Variants in LPP observed in about 807,000 individuals in gnomAD.
LPP encodes the protein LIM domain containing preferred translocation partner in lipoma.
LPP carries 38 observed loss-of-function variants against 60.4 expected under a neutral mutation model. The observed-to-expected ratio is 0.63, with a 90% CI of 0.49 to 0.83. The LOEUF is 0.83. Ranked by LOEUF, LPP falls within the 40% of genes least tolerant of loss-of-function variation. The pLI, the probability that LPP is intolerant of heterozygous loss-of-function variation, is 0.00. For synonymous variants in LPP, 328 were observed against 290.8 expected (o/e 1.13, Z -1.30); for missense variants, 902 against 783.6 (o/e 1.15, Z -1.80).
intron 9 of LPP, among the ~76,000 whole-genome samples, chr3:188,760,925 A>G (rs568676844): frequency 6.6e-6 from 1 of 152,318 alleles, no homozygotes; most frequent in Non-Finnish European, 1.5e-5. Flanking sequence ...TTAATAATAT[A>G]CCTGGGTAAC....
chr3:188,217,754 A>G lies in LPP; in HGVS notation c.-189-7651A>G, dbSNP rs776344805. ...GGTGCCCTAGGGGGTTGCCCAGATA[A>G]GCAGCTGGCGTTCCAAGACCAAAGA... On this transcript the variant is annotated intron_variant, in intron 1 of 11. Transcript: ENST00000617246. This position sits in a 1 kb window ranked among gnomAD's most constrained non-coding sequence, Gnocchi z 4.0. Among the ~76,000 whole-genome samples the G allele has an allele frequency of 2.6e-5, 4 of 152,166 alleles. No homozygotes were observed. The highest frequency in any genetic ancestry group is 5.9e-5 in the Non-Finnish European group (4 of 68,034).
chr3:188,253,104 G>T (rs1730487499), intron 2 of LPP, among the ~76,000 whole-genome samples: 2 of 148,132 alleles, frequency 1.4e-5, no homozygotes, highest in Admixed American at 6.7e-5. Flanking sequence ...TTGGGTTTTT[G>T]GTCTTTTTTT....
chr3:188,272,372 CAG>C (rs1738065020), intron 2 of LPP, among the ~76,000 whole-genome samples: 2 of 152,188 alleles, frequency 1.3e-5, no homozygotes, highest in African/African-American at 4.8e-5. Flanking sequence ...TAACGGCAAA[CAG>C]AACAAAAACA....
intron 5 of LPP, among the ~76,000 whole-genome samples, chr3:188,515,422 CATG>C (rs1817076761): frequency 6.6e-6 from 1 of 152,188 alleles, no homozygotes; most frequent in African/African-American, 2.4e-5. Flanking sequence ...CCTGCATAGT[CATG>C]AGCCAATTTA....
At position 188,375,132 on chromosome 3, in the gene LPP, C is replaced by T. The variant is rs543900818; in HGVS notation, c.-9-30980C>T. 2.0e-5 allele frequency among the ~76,000 whole-genome samples: 3 copies of T among 152,240 alleles called. No homozygotes were observed. In the South Asian group the frequency reaches 6.2e-4, roughly 32 times the overall value. ...GCCAGTATTTTATTGAGGATTTTTG[C>T]ATCAATGTTCATCAAGGATATTGGT... On this transcript the variant is annotated intron_variant, in intron 3 of 11. Transcript: ENST00000617246.
chr3:188,609,883 T>C lies in LPP; in HGVS notation c.1113+39T>C, dbSNP rs1296444171. ...TAACATAAGGAGGAGAATACAGGGGTGCCTATCTTAGTCTGCCTTCCCCAG... is the reference window on the plus strand; with the variant it reads ...TAACATAAGGAGGAGAATACAGGGGCGCCTATCTTAGTCTGCCTTCCCCAG... On this transcript the variant is annotated intron_variant, in intron 7 of 11. Coordinates refer to ENST00000617246, the MANE Select transcript of LPP (RefSeq NM_001375462.1). The surrounding 1 kb of genome is among the most constrained non-coding windows in gnomAD (Gnocchi z 6.9). The C allele has an allele frequency of 2.6e-6, 4 of 1,552,998 alleles. No homozygotes were observed. The highest frequency in any genetic ancestry group is 3.5e-6 in the Non-Finnish European group (4 of 1,151,560).
At chr3:188,562,719 T>G (rs1831032827) in intron 6 of LPP, among the ~76,000 whole-genome samples, 1 of 152,036 alleles carries the variant, frequency 6.6e-6, no homozygotes, top group South Asian at 2.1e-4. Flanking sequence ...GAAGCAGTTT[T>G]ATTTGAACTG....
At chr3:188,576,738 G>C (rs1012863997) in intron 6 of LPP, among the ~76,000 whole-genome samples, 3 of 152,158 alleles carry the variant, frequency 2.0e-5, no homozygotes, top group Non-Finnish European at 4.4e-5. Flanking sequence ...AGAGTAATCA[G>C]GGAGGAGAAG....
At chr3:188,674,944 T>A (rs1335774485) in intron 7 of LPP, among the ~76,000 whole-genome samples, 3 of 152,232 alleles carry the variant, frequency 2.0e-5, no homozygotes, top group Admixed American at 6.5e-5. Flanking sequence ...AGTGTGTGAA[T>A]GAATATTACT....
At chr3:188,748,821 C>T (rs1330532906) in intron 8 of LPP, among the ~76,000 whole-genome samples, 1 of 152,068 alleles carries the variant, frequency 6.6e-6, no homozygotes, top group Non-Finnish European at 1.5e-5. Context: ...AGTAACAAAG[C>T]CAAACTGGAA....
chr3:188,255,270 T>C (rs1731280226), intron 2 of LPP, among the ~76,000 whole-genome samples: 1 of 152,178 alleles, frequency 6.6e-6, no homozygotes, highest in South Asian at 2.1e-4. Flanking sequence ...CCACTCAAGA[T>C]ATAGGAGCTG....
intron 2 of LPP, among the ~76,000 whole-genome samples, chr3:188,254,267 A>G (rs1462558932): frequency 6.6e-6 from 1 of 152,216 alleles, no homozygotes; most frequent in African/African-American, 2.4e-5. Flanking sequence ...GTAAGATTTT[A>G]TCAGTTCAGT....
intron 9 of LPP, among the ~76,000 whole-genome samples, chr3:188,835,912 T>C (rs572589607): frequency 6.6e-6 from 1 of 152,324 alleles, no homozygotes; most frequent in African/African-American, 2.4e-5. Context: ...ACCATTATAA[T>C]TGTCTCAGAT....
At chr3:188,213,650 C>G (rs750336874) in intron 1 of LPP, among the ~76,000 whole-genome samples, 1 of 152,024 alleles carries the variant, frequency 6.6e-6, no homozygotes, top group Non-Finnish European at 1.5e-5. Flanking sequence ...CTTTTCTTTT[C>G]TTTTTGTTCT....
intron 8 of LPP, among the ~76,000 whole-genome samples, chr3:188,728,940 T>C (rs1719415248): frequency 6.6e-6 from 1 of 151,936 alleles, no homozygotes; most frequent in Non-Finnish European, 1.5e-5. Flanking sequence ...CCATAGACCA[T>C]TATAGGTTAG....
At chr3:188,573,518 A>G (rs1223146069) in intron 6 of LPP, among the ~76,000 whole-genome samples, 1 of 152,030 alleles carries the variant, frequency 6.6e-6, no homozygotes, top group Admixed American at 6.6e-5. Context: ...GCAGAGGGGC[A>G]TTGTCCCAGC....
At chr3:188,619,450 A>G (rs1845429773) in intron 7 of LPP, among the ~76,000 whole-genome samples, 1 of 152,226 alleles carries the variant, frequency 6.6e-6, no homozygotes. Context: ...GGAACTGGAG[A>G]GGAGTTCAGG....
At chr3:188,752,575 G>A (rs1728455495) in intron 8 of LPP, among the ~76,000 whole-genome samples, 1 of 152,200 alleles carries the variant, frequency 6.6e-6, no homozygotes, top group African/African-American at 2.4e-5. Flanking sequence ...TTTCCTGAGA[G>A]TGGAAGTTGT....
chr3:188,466,069 G>A (rs1385362834), intron 4 of LPP, among the ~76,000 whole-genome samples: 6 of 152,082 alleles, frequency 3.9e-5, no homozygotes, highest in Non-Finnish European at 7.4e-5. Flanking sequence ...AGAATCCTAG[G>A]TACTCTCCTT....
Sources: allele counts gnomAD v4.1 joint callset (sites outside exome capture counted in the v4.1 genomes callset), GRCh38; gene constraint gnomAD v4.1.1; non-coding constraint Gnocchi (gnomAD v3.1); transcripts MANE v1.5; gene names NCBI Gene and HGNC (gene_info 2026-07-23, HGNC 2026-07-21).